Variants in LRFN5 observed in about 807,000 individuals in gnomAD.
The protein encoded by LRFN5 is leucine-rich repeat and fibronectin type-III domain-containing protein 5.
A neutral mutation model predicts 45.6 loss-of-function variants in LRFN5; 24 were observed. The observed-to-expected ratio is 0.53, with a 90% CI of 0.38 to 0.74. The LOEUF (loss-of-function observed/expected upper bound fraction) is 0.74. Ranked by LOEUF, LRFN5 falls within the 30% of genes least tolerant of loss-of-function variation. The pLI is 0.00. For synonymous variants in LRFN5, 340 were observed against 313.8 expected, an observed-to-expected ratio of 1.08 and a Z score of -0.88; for missense variants, 776 against 861.5, an observed-to-expected ratio of 0.90 and a Z score of 1.24.
intron 2 of LRFN5, among the ~76,000 whole-genome samples, chr14:41,786,099 T>A (rs964191098): frequency 6.6e-6 from 1 of 152,206 alleles, no homozygotes; most frequent in African/African-American, 2.4e-5. Flanking sequence ...TTTGGGCCAT[T>A]GTTGTCTTAT....
chr14:41,674,585 G>T (rs561140230), intron 1 of LRFN5, among the ~76,000 whole-genome samples: 38 of 147,658 alleles, frequency 2.6e-4, no homozygotes, highest in African/African-American at 8.7e-4. Context: ...AGGACGGGGC[G>T]GCTGGCCGGG....
At chr14:41,675,667 G>A (rs1003618328) in intron 1 of LRFN5, among the ~76,000 whole-genome samples, 77 of 152,062 alleles carry the variant, frequency 5.1e-4, no homozygotes, top group African/African-American at 1.8e-3. Flanking sequence ...TGTATTTATT[G>A]CATATGAGGG....
chr14:41,698,282 G>A (rs904311227), intron 1 of LRFN5, among the ~76,000 whole-genome samples: 7 of 152,008 alleles, frequency 4.6e-5, no homozygotes, highest in Middle Eastern at 3.4e-3. Flanking sequence ...ATTGAAGTGC[G>A]GTCCTAGAAC....
chr14:41,635,188 G>A (rs927672952), intron 1 of LRFN5, among the ~76,000 whole-genome samples: 2 of 152,014 alleles, frequency 1.3e-5, no homozygotes, highest in Non-Finnish European at 2.9e-5. Context: ...TGTCCAATAC[G>A]TTGTATTTTG....
In LRFN5 at chr14:41,846,852, A is replaced by G. The variant is rs182683294; in HGVS notation, c.-20-39754A>G. On this transcript the variant is annotated intron_variant, in intron 2 of 5. Transcript: ENST00000298119. ...CCTTGCTGGCTGTCAGGTCAGGACCATTCCTAACTTCTCATGTCACCCATA... is the reference window on the plus strand; with the variant it reads ...CCTTGCTGGCTGTCAGGTCAGGACCGTTCCTAACTTCTCATGTCACCCATA... Among the ~76,000 whole-genome samples the G allele has an allele frequency of 5.3e-5, 8 of 152,238 alleles. No homozygotes were observed. In the East Asian group the frequency reaches 1.5e-3, roughly 29 times the overall value.
At chr14:41,806,313 A>T (rs546282669) in intron 2 of LRFN5, among the ~76,000 whole-genome samples, 2 of 152,208 alleles carry the variant, frequency 1.3e-5, no homozygotes, top group Non-Finnish European at 2.9e-5. Context: ...GAATACAGAC[A>T]TATGAGCTAT....
At chr14:41,672,053 T>A (rs938904387) in intron 1 of LRFN5, among the ~76,000 whole-genome samples, 4 of 152,242 alleles carry the variant, frequency 2.6e-5, no homozygotes, top group African/African-American at 9.6e-5. Flanking sequence ...GTTTAATCTA[T>A]ATTCAAATTC....
chr14:41,621,296 A>C (rs1888127595), intron 1 of LRFN5, among the ~76,000 whole-genome samples: 1 of 152,160 alleles, frequency 6.6e-6, no homozygotes, highest in Non-Finnish European at 1.5e-5. Flanking sequence ...AACTGATTCA[A>C]AGCCCATAAC....
chr14:41,889,133 C>T (rs1478939556), intron 3 of LRFN5, among the ~76,000 whole-genome samples: 1 of 146,768 alleles, frequency 6.8e-6, no homozygotes, highest in African/African-American at 2.5e-5. Context: ...TATATATATT[C>T]TGTTTAAGAT....
chr14:41,895,068 T>C, intron 4 of LRFN5: 1 of 984,158 alleles, frequency 1.0e-6, no homozygotes, highest in Non-Finnish European at 1.2e-6. Flanking sequence ...AACAAAATAA[T>C]GTGTTTCCTG....
intron 1 of LRFN5, among the ~76,000 whole-genome samples, chr14:41,658,159 C>A (rs973726745): frequency 6.6e-6 from 1 of 151,844 alleles, no homozygotes; most frequent in African/African-American, 2.4e-5. Flanking sequence ...TCATTTTGGT[C>A]TCAATGGAGA....
intron 2 of LRFN5, among the ~76,000 whole-genome samples, chr14:41,870,591 C>T (rs1230843896): frequency 6.6e-6 from 1 of 152,102 alleles, no homozygotes; most frequent in Non-Finnish European, 1.5e-5. Flanking sequence ...TGGGAAAATC[C>T]ACCCCCAATG....
At chr14:41,610,661 T>TAAAAAAGAAAAA in intron 1 of LRFN5, among the ~76,000 whole-genome samples, 1 of 37,340 alleles carries the variant, frequency 2.7e-5, no homozygotes. Flanking sequence ...CCAGGGAAGG[T>TAAAAAAGAAAAA]AAAAAAAAAA....
At chr14:41,708,098 T>C (rs1159333624) in intron 1 of LRFN5, among the ~76,000 whole-genome samples, 1 of 152,080 alleles carries the variant, frequency 6.6e-6, no homozygotes, top group East Asian at 1.9e-4. Flanking sequence ...AGTACCAAAA[T>C]GTACAGTAAA....
At chr14:41,650,900 G>GAGAGAGAGA in intron 1 of LRFN5, among the ~76,000 whole-genome samples, 1 of 91,298 alleles carries the variant, frequency 1.1e-5, no homozygotes, top group East Asian at 3.5e-4. Context: ...AGAGAGAGAG[G>GAGAGAGAGA]GAGGGAGGGA....
intron 1 of LRFN5, among the ~76,000 whole-genome samples, chr14:41,721,148 C>T (rs1883698190): frequency 6.6e-6 from 1 of 152,056 alleles, no homozygotes; most frequent in African/African-American, 2.4e-5. Flanking sequence ...TCTTCTTTGG[C>T]TTTATTAAAT....
chr14:41,821,917 A>C (rs545859423), intron 2 of LRFN5, among the ~76,000 whole-genome samples: 3 of 151,842 alleles, frequency 2.0e-5, no homozygotes, highest in South Asian at 2.1e-4. Flanking sequence ...GAATTTATCA[A>C]ATTCCTCTAG....
At chr14:41,891,994 C>T (rs777040981) in intron 4 of LRFN5, 32 bp downstream of exon 4, 7 of 1,597,902 alleles carry the variant, frequency 4.4e-6, no homozygotes, top group Admixed American at 1.8e-5. Context: ...CTGAGAGATC[C>T]GGAGCAAGGC....
chr14:41,826,421 T>C (rs1275908189), intron 2 of LRFN5, among the ~76,000 whole-genome samples: 2 of 152,196 alleles, frequency 1.3e-5, no homozygotes, highest in East Asian at 3.9e-4. Flanking sequence ...TTTGAAATGA[T>C]CTTCTTTTCT....
Sources: gnomAD v4.1 joint callset for allele counts (sites outside exome capture counted in the v4.1 genomes callset) on GRCh38, gnomAD v4.1.1 for gene constraint, MANE v1.5 for transcripts, NCBI Gene and HGNC (gene_info 2026-07-23, HGNC 2026-07-21) for gene names.